TPRG1: variants seen among roughly 807,000 people sequenced by gnomAD.
The protein encoded by TPRG1 is tumor protein p63 regulated 1.
TPRG1 carries 29 observed loss-of-function variants against 29.3 expected under a neutral mutation model. That is an observed-to-expected ratio of 0.99 (90% CI 0.74 to 1.35). The LOEUF is 1.35. TPRG1 is among the 40% of genes most tolerant of loss of function. The pLI is 0.00. For missense variants in TPRG1, 327 were observed against 335.0 expected (o/e 0.98, Z 0.19); for synonymous variants, 130 against 116.8 (o/e 1.11, Z -0.73).
intron 4 of TPRG1, among the ~76,000 whole-genome samples, chr3:189,041,898 G>A (rs1449154970): frequency 1.3e-5 from 2 of 152,120 alleles, no homozygotes; most frequent in Non-Finnish European, 2.9e-5. Flanking sequence ...ACTAGACACT[G>A]CCTTCTCTTG....
intron 3 of TPRG1, among the ~76,000 whole-genome samples, chr3:189,233,825 G>C (rs1022627237): frequency 5.9e-5 from 9 of 152,092 alleles, no homozygotes; most frequent in African/African-American, 2.2e-4. Flanking sequence ...AGAAAACTGT[G>C]ATTAGGGCCA....
intron 3 of TPRG1, among the ~76,000 whole-genome samples, chr3:189,215,843 GA>G (rs1227734843): frequency 6.6e-6 from 1 of 152,084 alleles, no homozygotes; most frequent in African/African-American, 2.4e-5. Context: ...AAAAACCAGG[GA>G]AATCATGAAG....
intron 4 of TPRG1, chr3:189,267,490 G>A (rs1234400328): frequency 1.3e-5 from 2 of 152,208 alleles, no homozygotes; most frequent in East Asian, 1.9e-4. Context: ...TATTGTGAGA[G>A]CATAGACAAG....
chr3:189,016,884 C>T (rs561477403), intron 3 of TPRG1, among the ~76,000 whole-genome samples: 1 of 152,260 alleles, frequency 6.6e-6, no homozygotes, highest in East Asian at 1.9e-4. Context: ...AACCTCTTTT[C>T]TTCATAAATT....
intron 4 of TPRG1, among the ~76,000 whole-genome samples, chr3:189,302,191 C>T (rs1720944568): frequency 6.6e-6 from 1 of 152,180 alleles, no homozygotes; most frequent in African/African-American, 2.4e-5. Context: ...CATTAGGCTG[C>T]TCTGAGTTTA....
intron 4 of TPRG1, among the ~76,000 whole-genome samples, chr3:189,276,904 A>C (rs1334190166): frequency 6.6e-6 from 1 of 152,138 alleles, no homozygotes; most frequent in Non-Finnish European, 1.5e-5. Flanking sequence ...TTAGTGGATA[A>C]AATGAGTGAT....
chr3:189,259,846 C>G (rs1031487771), intron 4 of TPRG1, among the ~76,000 whole-genome samples: 1 of 152,102 alleles, frequency 6.6e-6, no homozygotes, highest in Non-Finnish European at 1.5e-5. Context: ...TGTATGCAAT[C>G]GTGGAAACAG....
chr3:189,128,307 G>A (rs1043328524), intron 2 of TPRG1, among the ~76,000 whole-genome samples: 1 of 152,142 alleles, frequency 6.6e-6, no homozygotes, highest in African/African-American at 2.4e-5. Flanking sequence ...GTGCAAAGAC[G>A]GCCTGGAGGA....
intron 5 of TPRG1, among the ~76,000 whole-genome samples, chr3:189,316,480 A>G (rs986715419): frequency 6.6e-6 from 1 of 152,168 alleles, no homozygotes; most frequent in Admixed American, 6.6e-5. Flanking sequence ...ATGTGGGCCT[A>G]CAGGCATGAA....
intron 3 of TPRG1, among the ~76,000 whole-genome samples, chr3:189,010,472 C>T (rs971490536): frequency 1.3e-5 from 2 of 152,122 alleles, no homozygotes; most frequent in South Asian, 4.2e-4. Context: ...TTAGTAATAG[C>T]CATGACTGGT....
At chr3:189,194,914 G>A (rs1222107392) in intron 1 of TPRG1, among the ~76,000 whole-genome samples, 1 of 152,046 alleles carries the variant, frequency 6.6e-6, no homozygotes, top group African/African-American at 2.4e-5. Context: ...CAGGAAGAGG[G>A]GTGTCTCAGC....
intron 5 of TPRG1, among the ~76,000 whole-genome samples, chr3:189,155,890 A>G (rs1195787340): frequency 1.3e-5 from 2 of 152,184 alleles, no homozygotes; most frequent in African/African-American, 4.8e-5. Flanking sequence ...TGCAGGATGA[A>G]TAAGTTTGGA....
intron 4 of TPRG1, among the ~76,000 whole-genome samples, chr3:189,094,062 C>T (rs569292349): frequency 5.9e-5 from 9 of 152,148 alleles, no homozygotes; most frequent in Non-Finnish European, 7.4e-5. Flanking sequence ...TCCAAACACA[C>T]GGAGTTTCTA....
intron 4 of TPRG1, among the ~76,000 whole-genome samples, chr3:189,050,130 G>A (rs931808441): frequency 6.6e-6 from 1 of 151,844 alleles, no homozygotes; most frequent in Admixed American, 6.6e-5. Context: ...AAACACAAAA[G>A]ATAAATGAAA....
intron 3 of TPRG1, among the ~76,000 whole-genome samples, chr3:189,138,037 C>T (rs1480093384): frequency 6.6e-6 from 1 of 152,132 alleles, no homozygotes; most frequent in Non-Finnish European, 1.5e-5. Flanking sequence ...GTGCCTGCCT[C>T]AAGAGGAGGG....
At chr3:189,190,000 A>G (rs1181745300) in intron 1 of TPRG1, among the ~76,000 whole-genome samples, 1 of 152,228 alleles carries the variant, frequency 6.6e-6, no homozygotes, top group Non-Finnish European at 1.5e-5. Context: ...AAGGGAAGAT[A>G]GAGCTTCTCT....
intron 1 of TPRG1, among the ~76,000 whole-genome samples, chr3:189,188,997 T>C (rs1481141980): frequency 6.6e-6 from 1 of 152,228 alleles, no homozygotes; most frequent in Non-Finnish European, 1.5e-5. Context: ...ATAAAATAGT[T>C]TTTTCCTTGA....
intron 4 of TPRG1, among the ~76,000 whole-genome samples, chr3:189,302,839 C>G (rs570294246): frequency 1.3e-5 from 2 of 152,282 alleles, no homozygotes; most frequent in Non-Finnish European, 2.9e-5. Context: ...CCCATCACCC[C>G]AATAACAGTA....
At chr3:189,109,950 T>C (rs1720307303) in intron 1 of TPRG1, among the ~76,000 whole-genome samples, 1 of 152,174 alleles carries the variant, frequency 6.6e-6, no homozygotes, top group African/African-American at 2.4e-5. Flanking sequence ...GAATAATGCA[T>C]TTGTAATTCA....
Sources: allele counts gnomAD v4.1 joint callset (sites outside exome capture counted in the v4.1 genomes callset), GRCh38; gene constraint gnomAD v4.1.1; transcripts MANE v1.5; gene names NCBI Gene and HGNC (gene_info 2026-07-23, HGNC 2026-07-21).